The following PCDH9 variants were observed in gnomAD, a reference collection of about 807,000 sequenced individuals.
The protein encoded by PCDH9 is protocadherin-9.
Under a neutral mutation model 70.6 loss-of-function variants are expected in PCDH9, and 24 were observed. That is an observed-to-expected ratio of 0.34 (90% CI 0.25 to 0.48). The LOEUF (loss-of-function observed/expected upper bound fraction) is 0.48. Among genes scored for constraint, PCDH9 ranks in the 20% least tolerant of loss-of-function variants. The probability of loss-of-function intolerance (pLI) is 0.99; values close to 1 mark genes in which losing one functional copy is unlikely to be tolerated. For missense variants in PCDH9, 1,281 were observed against 1,503.6 expected (o/e 0.85, Z 2.45); for synonymous variants, 562 against 558.5 (o/e 1.01, Z -0.09).
chr13:66,928,885 T>G (rs1467098395), intron 2 of PCDH9, among the ~76,000 whole-genome samples: 1 of 152,148 alleles, frequency 6.6e-6, no homozygotes, highest in Non-Finnish European at 1.5e-5. Context: ...GTGTTTCCAG[T>G]TAATAAACTT....
At chr13:66,845,574 G>A (rs1167130090) in intron 3 of PCDH9, among the ~76,000 whole-genome samples, 4 of 152,094 alleles carry the variant, frequency 2.6e-5, no homozygotes, top group South Asian at 4.1e-4. Context: ...GCCTGCTCCC[G>A]GCCCCCAAGT....
chr13:67,124,963 T>G (rs1311843495), intron 2 of PCDH9, among the ~76,000 whole-genome samples: 2 of 152,180 alleles, frequency 1.3e-5, no homozygotes, highest in Non-Finnish European at 2.9e-5. Context: ...ACATAGCCTG[T>G]GACAAGCCTG....
intron 2 of PCDH9, among the ~76,000 whole-genome samples, chr13:66,933,142 C>T (rs1490200302): frequency 6.6e-6 from 1 of 151,638 alleles, no homozygotes; most frequent in Non-Finnish European, 1.5e-5. Context: ...ATATTTTTGC[C>T]TTTTTAGGCA....
intron 2 of PCDH9, among the ~76,000 whole-genome samples, chr13:66,926,289 G>A (rs898657258): frequency 5.3e-5 from 8 of 151,976 alleles, no homozygotes; most frequent in African/African-American, 1.9e-4. Context: ...GTACCTCACA[G>A]TATCTTGTAG....
At chr13:66,907,882 T>C (rs1015799465) in intron 2 of PCDH9, among the ~76,000 whole-genome samples, 2 of 152,214 alleles carry the variant, frequency 1.3e-5, no homozygotes, top group African/African-American at 2.4e-5. Flanking sequence ...GCAGTCATTA[T>C]AGAGGCAATA....
At chr13:66,789,732 T>A (rs916572543) in intron 3 of PCDH9, among the ~76,000 whole-genome samples, 2 of 152,172 alleles carry the variant, frequency 1.3e-5, no homozygotes, top group African/African-American at 4.8e-5. Context: ...ATAGACCATA[T>A]AATTCACTTG....
chr13:66,584,508 G>A (rs370111079), intron 4 of PCDH9, among the ~76,000 whole-genome samples: 9 of 152,048 alleles, frequency 5.9e-5, no homozygotes, highest in African/African-American at 1.9e-4. Context: ...TATTGTCACC[G>A]TGCAATCCTT....
At chr13:66,960,942 T>C (rs917458052) in intron 2 of PCDH9, among the ~76,000 whole-genome samples, 11 of 152,154 alleles carry the variant, frequency 7.2e-5, no homozygotes, top group African/African-American at 9.7e-5. Flanking sequence ...CACTACACAA[T>C]TGATTTATTG....
intron 4 of PCDH9, among the ~76,000 whole-genome samples, chr13:66,527,166 T>C (rs1295158448): frequency 6.6e-6 from 1 of 152,148 alleles, no homozygotes; most frequent in Admixed American, 6.6e-5. Flanking sequence ...ATAAAACTTA[T>C]GTTTTACCTT....
At chr13:67,174,707 G>A (rs1255092236) in intron 2 of PCDH9, among the ~76,000 whole-genome samples, 3 of 152,028 alleles carry the variant, frequency 2.0e-5, no homozygotes, top group African/African-American at 7.2e-5. Context: ...CCTCTTTTGT[G>A]TCAGGAAAAA....
chr13:66,994,520 T>C (rs2084070229), intron 2 of PCDH9, among the ~76,000 whole-genome samples: 2 of 152,206 alleles, frequency 1.3e-5, no homozygotes, highest in African/African-American at 4.8e-5. Flanking sequence ...GGCACTGACG[T>C]TGAATTAAGG....
At chr13:66,380,574 T>C (rs1318781901) in intron 4 of PCDH9, among the ~76,000 whole-genome samples, 1 of 134,544 alleles carries the variant, frequency 7.4e-6, no homozygotes, top group Non-Finnish European at 1.6e-5. Flanking sequence ...GACAGAGTCT[T>C]GCTCTGTTGC....
chr13:66,395,968 A>C (rs1229103141), intron 4 of PCDH9, among the ~76,000 whole-genome samples: 2 of 152,202 alleles, frequency 1.3e-5, no homozygotes, highest in African/African-American at 4.8e-5. Flanking sequence ...TGGAAGGATG[A>C]TTTAAAAAGT....
chr13:66,794,133 A>G (rs1293554352), intron 3 of PCDH9, among the ~76,000 whole-genome samples: 4 of 152,122 alleles, frequency 2.6e-5, no homozygotes, highest in Non-Finnish European at 5.9e-5. Context: ...GAAACAAGAA[A>G]GATAGTTTTT....
chr13:66,829,860 G>C (rs141722477), intron 3 of PCDH9, among the ~76,000 whole-genome samples: 1 of 149,440 alleles, frequency 6.7e-6, no homozygotes, highest in African/African-American at 2.5e-5. Context: ...TCTTTCTTCA[G>C]AAATCCAAAG....
intron 3 of PCDH9, among the ~76,000 whole-genome samples, chr13:66,709,337 T>C (rs552732627): frequency 2.0e-5 from 3 of 152,304 alleles, no homozygotes; most frequent in Non-Finnish European, 4.4e-5. Flanking sequence ...GTCTCAACAA[T>C]AACTAAATAC....
intron 3 of PCDH9, among the ~76,000 whole-genome samples, chr13:66,733,938 C>T (rs1345069178): frequency 6.6e-6 from 1 of 152,114 alleles, no homozygotes; most frequent in African/African-American, 2.4e-5. Context: ...TTTGGCTTTG[C>T]CCCGGAGAGG....
intron 2 of PCDH9, among the ~76,000 whole-genome samples, chr13:66,959,641 C>T (rs2083313869): frequency 1.3e-5 from 2 of 151,352 alleles, no homozygotes; most frequent in South Asian, 2.1e-4. Context: ...GTTCCAGCTA[C>T]TCGGGAGGCT....
intron 4 of PCDH9, among the ~76,000 whole-genome samples, chr13:66,417,547 T>C (rs1438751231): frequency 6.6e-6 from 1 of 152,114 alleles, no homozygotes; most frequent in Admixed American, 6.5e-5. Context: ...TACCCAGAAA[T>C]GGTATTTCTG....
Sources: gnomAD v4.1 joint callset for allele counts (sites outside exome capture counted in the v4.1 genomes callset) on GRCh38, gnomAD v4.1.1 for gene constraint, MANE v1.5 for transcripts, NCBI Gene and HGNC (gene_info 2026-07-23, HGNC 2026-07-21) for gene names.